The following TENM3 variants were observed in gnomAD, a reference collection of about 807,000 sequenced individuals.
The protein encoded by TENM3 is teneurin-3.
Under a neutral mutation model 255.1 loss-of-function variants are expected in TENM3, and 63 were observed. That is an observed-to-expected ratio of 0.25 (90% CI 0.20 to 0.30). The LOEUF is 0.30. Ranked by LOEUF, TENM3 falls within the 10% of genes least tolerant of loss-of-function variation. The probability of loss-of-function intolerance (pLI) is 1.00; values close to 1 mark genes in which losing one functional copy is unlikely to be tolerated. For synonymous variants in TENM3, 1,306 were observed against 1,322.3 expected, an observed-to-expected ratio of 0.99 and a Z score of 0.27; for missense variants, 2,929 against 3,461.1, an observed-to-expected ratio of 0.85 and a Z score of 3.86.
At chr4:181,463,086 C>T in the TENM3 span, among the ~76,000 whole-genome samples, 1 of 152,196 alleles carries the variant, frequency 6.6e-6, no homozygotes, top group African/African-American at 2.4e-5. Context: ...AGTCTGATCT[C>T]TCTCTACAAG....
chr4:181,667,037 T>A, the TENM3 span, among the ~76,000 whole-genome samples: 1 of 152,198 alleles, frequency 6.6e-6, no homozygotes, highest in Non-Finnish European at 1.5e-5. Flanking sequence ...TTGTTATGCT[T>A]ACAAACAATC....
the TENM3 span, among the ~76,000 whole-genome samples, chr4:181,788,286 G>A: frequency 6.6e-6 from 1 of 152,118 alleles, no homozygotes; most frequent in East Asian, 1.9e-4. Context: ...TATATGTTAA[G>A]TACCTAGCAC....
chr4:182,614,764 A>G (rs1015419003), intron 4 of TENM3, among the ~76,000 whole-genome samples: 93 of 152,274 alleles, frequency 6.1e-4, no homozygotes, highest in African/African-American at 2.0e-3. Flanking sequence ...AAAGGTTGAA[A>G]GAAAACACTT....
chr4:182,579,694 TTTGAAAAC>T (rs1437768684), intron 3 of TENM3, among the ~76,000 whole-genome samples: 1 of 127,096 alleles, frequency 7.9e-6, no homozygotes, highest in Non-Finnish European at 1.6e-5. Context: ...TTTCCACAAA[TTTGAAAAC>T]TTCTCTTTTT....
At chr4:181,994,880 G>C in the TENM3 span, among the ~76,000 whole-genome samples, 1 of 152,126 alleles carries the variant, frequency 6.6e-6, no homozygotes, top group Non-Finnish European at 1.5e-5. Context: ...GATACAATTT[G>C]AATATAACAA....
At chr4:181,646,823 G>T in the TENM3 span, among the ~76,000 whole-genome samples, 1 of 152,086 alleles carries the variant, frequency 6.6e-6, no homozygotes, top group African/African-American at 2.4e-5. Context: ...TTTTCTGAGA[G>T]CTATAGCATC....
At chr4:182,353,925 A>C (rs1008301115) in intron 3 of TENM3, among the ~76,000 whole-genome samples, 4 of 151,782 alleles carry the variant, frequency 2.6e-5, no homozygotes, top group Non-Finnish European at 5.9e-5. Flanking sequence ...AGATCGTGCC[A>C]CTGCACTCCA....
chr4:181,556,294 A>G, the TENM3 span, among the ~76,000 whole-genome samples: 1 of 152,192 alleles, frequency 6.6e-6, no homozygotes, highest in Non-Finnish European at 1.5e-5. Context: ...AGGCTGATGT[A>G]TGAAATTAAT....
chr4:181,659,847 T>C, the TENM3 span, among the ~76,000 whole-genome samples: 5 of 152,222 alleles, frequency 3.3e-5, no homozygotes, highest in African/African-American at 4.8e-5. Flanking sequence ...CAAGTAGTAC[T>C]GTATTGAGTT....
At chr4:182,061,663 A>G in the TENM3 span, among the ~76,000 whole-genome samples, 1 of 152,110 alleles carries the variant, frequency 6.6e-6, no homozygotes, top group Non-Finnish European at 1.5e-5. Flanking sequence ...CAAAGTAAAA[A>G]ATTAAAATTA....
At chr4:182,662,901 A>G (rs1011532249) in intron 6 of TENM3, among the ~76,000 whole-genome samples, 1 of 152,214 alleles carries the variant, frequency 6.6e-6, no homozygotes, top group African/African-American at 2.4e-5. Context: ...AATGGCTGTG[A>G]CTTGAAAAGC....
chr4:181,713,333 G>A, the TENM3 span, among the ~76,000 whole-genome samples: 3 of 152,318 alleles, frequency 2.0e-5, no homozygotes, highest in South Asian at 6.2e-4. Flanking sequence ...GTTCTTTACA[G>A]TTGGTGAGCT....
chr4:181,709,262 C>T, the TENM3 span, among the ~76,000 whole-genome samples: 1 of 152,286 alleles, frequency 6.6e-6, no homozygotes, highest in South Asian at 2.1e-4. Flanking sequence ...ATTGTTTTGC[C>T]TGCTACAGGT....
intron 18 of TENM3, among the ~76,000 whole-genome samples, chr4:182,739,677 A>C (rs1440561138): frequency 3.9e-5 from 6 of 152,148 alleles, no homozygotes; most frequent in Non-Finnish European, 8.8e-5. Context: ...TGAGTGTCAG[A>C]GAGGGTGCAT....
intron 1 of TENM3, among the ~76,000 whole-genome samples, chr4:182,316,883 C>G (rs1762779406): frequency 6.6e-6 from 1 of 152,184 alleles, no homozygotes. Context: ...CTTCCTGGGT[C>G]CCCCTTCCTG....
rs1389733351 is a variant in TENM3, at chr4:182,793,132, G to C, written c.6460G>C (p.Asp2154His). The change falls in exon 26 of 28, where the codon GAT becomes CAT. Residue 2154 changes from aspartate (D) to histidine (H), a missense_variant. Around this residue, in one of 6 missense-constraint regions of TENM3, gnomAD observed 256 missense variants for 389.3 expected, o/e 0.66. Coordinates refer to ENST00000511685, the MANE Select transcript of TENM3 (RefSeq NM_001080477.4). The surrounding 1 kb of genome is among the most constrained non-coding windows in gnomAD (Gnocchi z 5.7). Reference sequence around the variant, plus strand: ...AAAGATAATGTGGCGGTACAACTACGATCTGAATGGAAACCTCCATTTACT... The same window carrying C: ...AAAGATAATGTGGCGGTACAACTACCATCTGAATGGAAACCTCCATTTACT... ...NEKIMWRYNYDLNGNLHLLNP... is the reference protein window; with the variant it reads ...NEKIMWRYNYHLNGNLHLLNP... The C allele has an allele frequency of 6.2e-7, 1 of 1,613,972 alleles. No individual in the cohort carries two copies. The highest frequency in any genetic ancestry group is 1.7e-5 in the Admixed American group (1 of 60,028).
At chr4:181,849,123 T>G in the TENM3 span, among the ~76,000 whole-genome samples, 1 of 152,206 alleles carries the variant, frequency 6.6e-6, no homozygotes, top group Admixed American at 6.5e-5. Flanking sequence ...TCCAGAGAAT[T>G]ATATCAGTGG....
At chr4:182,428,436 T>C (rs1771390261) in intron 3 of TENM3, among the ~76,000 whole-genome samples, 1 of 152,082 alleles carries the variant, frequency 6.6e-6, no homozygotes, top group Non-Finnish European at 1.5e-5. Context: ...CACTGCTGAC[T>C]GATGTTCCCA....
the TENM3 span, among the ~76,000 whole-genome samples, chr4:182,041,930 C>G: frequency 1.3e-5 from 2 of 152,192 alleles, no homozygotes; most frequent in East Asian, 3.9e-4. Context: ...ATTTGGTTCT[C>G]ATACTATTTC....
Sources: gnomAD v4.1 joint callset for allele counts (sites outside exome capture counted in the v4.1 genomes callset) on GRCh38, gnomAD v4.1.1 for gene constraint, gnomAD v4.1.1 regional missense constraint, Gnocchi (gnomAD v3.1) non-coding constraint, MANE v1.5 for transcripts, NCBI Gene and HGNC (gene_info 2026-07-23, HGNC 2026-07-21) for gene names.